The following AHNAK variants were observed in gnomAD, a reference collection of about 807,000 sequenced individuals.
The protein encoded by AHNAK is AHNAK nucleoprotein, also known as neuroblast differentiation-associated protein AHNAK.
Under a neutral mutation model 37.8 loss-of-function variants are expected in AHNAK, and 23 were observed. The ratio of observed to expected loss-of-function variants is 0.61; its 90% CI spans 0.44 to 0.86. The LOEUF (loss-of-function observed/expected upper bound fraction) is 0.86. AHNAK is among the 40% of genes least tolerant of loss of function. AHNAK has a pLI of 0.00. For synonymous variants in AHNAK, 2,481 were observed against 2,636.3 expected (o/e 0.94, Z 1.80); for missense variants, 7,411 against 7,319.4 (o/e 1.01, Z -0.46).
chr11:62,449,930 G>A (rs539201104), intron 5 of AHNAK, among the ~76,000 whole-genome samples: 12 of 151,876 alleles, frequency 7.9e-5, no homozygotes, highest in Admixed American at 2.0e-4. Flanking sequence ...AAGTCAACTC[G>A]TGTCTTTTTC....
In AHNAK at chr11:62,530,249, A is replaced by T; in HGVS notation, c.4168T>A (p.Phe1390Ile). The T allele has an allele frequency of 6.2e-7, 1 of 1,611,882 alleles. No individual in the cohort carries two copies. Among genetic ancestry groups the T allele is most frequent in the South Asian group, 1.1e-5 (1 of 90,946 alleles). Residue 1390 changes from phenylalanine (F) to isoleucine (I), a missense_variant, in exon 5 of 5, where the codon TTC becomes ATC. Physicochemically the swap from Phe to Ile is conservative, Grantham distance 21. Coordinates refer to ENST00000378024, the MANE Select transcript of AHNAK (RefSeq NM_001620.3). ...TCTCCTTTGAAGCCGGGCATGCTGA[A>T]CTTGGGCATTTTCACCTTGGGCATC... ...LKMPKVKMPK[F>I]SMPGFKGEGP...
intron 5 of AHNAK, among the ~76,000 whole-genome samples, chr11:62,462,421 A>G (rs1938812343): frequency 6.6e-6 from 1 of 152,214 alleles, no homozygotes; most frequent in South Asian, 2.1e-4. Flanking sequence ...CAGGCTGTGG[A>G]TAATTACAGC....
chr11:62,539,767 G>A (rs1050064347), intron 1 of AHNAK, among the ~76,000 whole-genome samples: 1 of 152,356 alleles, frequency 6.6e-6, no homozygotes, highest in African/African-American at 2.4e-5. Context: ...CCCTGGCAGG[G>A]CACCCAGTGG....
In AHNAK at chr11:62,533,216, C is replaced by T. The variant is rs1329596855; in HGVS notation, c.1201G>A (p.Ala401Thr). Residue 401 changes from alanine to threonine, a missense_variant, in exon 5 of 5, where the codon GCT becomes ACT. Ala to Thr is a moderately conservative substitution (Grantham distance 58, BLOSUM62 0). Transcript: ENST00000378024. ...PQGHIGVDAS[A>T]PQIGGSITGP... ...GTGATGCTACCCCCAATTTGGGGAG[C>T]AGAGGCATCCACCCCAATGTGCCCC... is the stretch of plus-strand genomic sequence containing the variant. The T allele has an allele frequency of 6.5e-6, 10 of 1,526,956 alleles. No individual in the cohort carries two copies. The highest frequency in any genetic ancestry group is 3.5e-4 in the Middle Eastern group (2 of 5,634). The allele number at this position is 1,526,956 out of a possible 1,614,324, so 94.6% of individuals were successfully genotyped here. A position where few individuals can be genotyped will look rare whatever the true frequency, so the allele number is the denominator to read the frequency against.
At chr11:62,534,627 G>A (rs1331293586) in intron 4 of AHNAK, among the ~76,000 whole-genome samples, 1 of 152,226 alleles carries the variant, frequency 6.6e-6, no homozygotes, top group African/African-American at 2.4e-5. Context: ...CTGACCCACA[G>A]AATGTATCAG....
chr11:62,537,379 C>G (rs1317305138), intron 1 of AHNAK: 1 of 152,392 alleles, frequency 6.6e-6, no homozygotes, highest in African/African-American at 2.4e-5. Context: ...GCCTCACCCA[C>G]CCAAGTAGCT....
intron 5 of AHNAK, among the ~76,000 whole-genome samples, chr11:62,486,664 T>A (rs925561816): frequency 1.6e-4 from 24 of 152,076 alleles, no homozygotes; most frequent in African/African-American, 5.8e-4. Context: ...GTGGAGATGG[T>A]TCCACCGTAA....
At chr11:62,507,551 G>A (rs1442658827) in intron 4 of AHNAK, among the ~76,000 whole-genome samples, 1 of 152,172 alleles carries the variant, frequency 6.6e-6, no homozygotes, top group African/African-American at 2.4e-5. Context: ...AGCACTTTGG[G>A]AGGCCAAGGC....
chr11:62,443,275 C>CTATTTT (rs1555018121), intron 5 of AHNAK, among the ~76,000 whole-genome samples: 2 of 99,766 alleles, frequency 2.0e-5, no homozygotes, highest in African/African-American at 7.8e-5. Context: ...TGCACCCGGC[C>CTATTTT]TTTTTTTTTT....
At position 62,530,188 on chromosome 11, in the gene AHNAK, T is replaced by A. The variant is rs1201900918; in HGVS notation, c.4229A>T (p.Asp1410Val). The A allele has an allele frequency of 6.2e-7, 1 of 1,613,520 alleles. No individual in the cohort carries two copies. Among genetic ancestry groups the A allele is most frequent in the Admixed American group, 1.7e-5 (1 of 59,938 alleles). The part of the protein sequence containing the change: ...PEVDVKLPKA[D>V]VDVSGPKMDA... ...CATTTTGGGTCCTGAGACATCAACGTCAGCTTTGGGCAGCTTCACATCCAC... is the reference window on the plus strand; with the variant it reads ...CATTTTGGGTCCTGAGACATCAACGACAGCTTTGGGCAGCTTCACATCCAC... The change falls in exon 5 of 5, where the codon GAC (aspartate) becomes GTC (valine). Residue 1410 changes from aspartate to valine, a missense_variant. Physicochemically the swap from Asp to Val is radical, Grantham distance 152. Transcript: ENST00000378024.
Position 62,518,126 on chromosome 11 carries a change from C to T in AHNAK, c.16291G>A (p.Gly5431Ser), listed in dbSNP as rs759786972. The T allele has an allele frequency of 1.9e-6, 3 of 1,614,198 alleles. No individual in the cohort carries two copies. In the South Asian group the frequency reaches 3.3e-5, roughly 18 times the overall value. Residue 5431 changes from glycine to serine, a missense_variant, in exon 5 of 5, where the codon GGC becomes AGC. Gly to Ser is a moderately conservative substitution (Grantham distance 56). Coordinates refer to ENST00000378024, the MANE Select transcript of AHNAK (RefSeq NM_001620.3). ...TCCACACCTGGCCCCTTCAGTTCGC[C>T]AGAAACCTGTGGCCCCTTGGCATTG... The part of the protein sequence containing the change: ...HVNAKGPQVS[G>S]ELKGPGVDVN...
At chr11:62,500,204 A>G (rs1297332953) in intron 4 of AHNAK, among the ~76,000 whole-genome samples, 1 of 152,252 alleles carries the variant, frequency 6.6e-6, no homozygotes, top group African/African-American at 2.4e-5. Flanking sequence ...TTCCAGATCA[A>G]TCTGCACTCA....
Position 62,517,473 on chromosome 11 carries a change from G to A in AHNAK, c.16944C>T (p.His5648=). ...TTACTTTTCCAGATCCACTTTCCAA[G>A]TGACCTTGAGGCCCAGACACACTCA... ...PGLSVSGPQG[H]LESGSGKVTF... is the part of the protein sequence containing the mutation. Residue 5648 remains histidine, a synonymous_variant, in exon 5 of 5, where the codon CAC becomes CAT. Transcript: ENST00000378024. 1 of 1,614,128 alleles carries A rather than the reference G, an allele frequency of 6.2e-7. No individual in the cohort carries two copies. Among genetic ancestry groups the A allele is most frequent in the Non-Finnish European group, 8.5e-7 (1 of 1,180,040 alleles).
At chr11:62,440,595 G>T (rs556358044) in intron 5 of AHNAK, among the ~76,000 whole-genome samples, 1 of 152,262 alleles carries the variant, frequency 6.6e-6, no homozygotes, top group East Asian at 1.9e-4. Context: ...TCATGATGAC[G>T]CCTGTCATGA....
At chr11:62,487,388 G>T (rs573511482) in intron 5 of AHNAK, among the ~76,000 whole-genome samples, 6 of 152,230 alleles carry the variant, frequency 3.9e-5, no homozygotes, top group African/African-American at 4.8e-5. Flanking sequence ...AACCATGAGG[G>T]TATGTGGCGT....
chr11:62,471,349 A>G (rs1344159505), intron 5 of AHNAK, among the ~76,000 whole-genome samples: 2 of 152,116 alleles, frequency 1.3e-5, no homozygotes, highest in Non-Finnish European at 2.9e-5. Flanking sequence ...TAATTTTTGT[A>G]TTTTTAGTAG....
chr11:62,458,910 G>C (rs1330684230), intron 5 of AHNAK, among the ~76,000 whole-genome samples: 1 of 152,160 alleles, frequency 6.6e-6, no homozygotes, highest in Non-Finnish European at 1.5e-5. Flanking sequence ...CTGCTCTGCT[G>C]GATTCTATGT....
At chr11:62,503,371 G>T (rs992010231) in intron 4 of AHNAK, among the ~76,000 whole-genome samples, 1 of 152,024 alleles carries the variant, frequency 6.6e-6, no homozygotes, top group Non-Finnish European at 1.5e-5. Context: ...GGGGGATCCT[G>T]GGTAAGGAGT....
At chr11:62,457,355 G>A (rs966159217) in intron 5 of AHNAK, among the ~76,000 whole-genome samples, 32 of 152,020 alleles carry the variant, frequency 2.1e-4, no homozygotes, top group African/African-American at 7.0e-4. Flanking sequence ...GGCTGAGGCA[G>A]GAGAATCGCT....
Sources: allele counts gnomAD v4.1 joint callset (sites outside exome capture counted in the v4.1 genomes callset), GRCh38; gene constraint gnomAD v4.1.1; transcripts MANE v1.5; gene names NCBI Gene and HGNC (gene_info 2026-07-23, HGNC 2026-07-21).